Variants in SYNDIG1L observed in about 807,000 individuals in gnomAD.
SYNDIG1L encodes the protein synapse differentiation inducing 1 like, also known as synapse differentiation-inducing gene protein 1-like.
A neutral mutation model predicts 20.1 loss-of-function variants in SYNDIG1L; 13 were observed. That is an observed-to-expected ratio of 0.65 (90% CI 0.42 to 1.03). SYNDIG1L has a LOEUF of 1.03. SYNDIG1L is among the 50% of genes least tolerant of loss of function. The pLI is 0.00. For missense variants in SYNDIG1L, 294 were observed against 305.1 expected, an observed-to-expected ratio of 0.96 and a Z score of 0.27; for synonymous variants, 128 against 129.3, an observed-to-expected ratio of 0.99 and a Z score of 0.07.
At chr14:74,464,283 A>T in the SYNDIG1L span, among the ~76,000 whole-genome samples, 130 of 152,218 alleles carry the variant, frequency 8.5e-4, no homozygotes, top group Non-Finnish European at 1.5e-3. Context: ...GCCCTCCCTG[A>T]TGCGCCCATG....
the SYNDIG1L span, among the ~76,000 whole-genome samples, chr14:74,469,053 T>A: frequency 2.0e-5 from 3 of 152,028 alleles, no homozygotes; most frequent in Non-Finnish European, 4.4e-5. Flanking sequence ...CCATACACAC[T>A]GGCTCCCCAT....
At chr14:74,413,554 C>G (rs898017786) in intron 1 of SYNDIG1L, among the ~76,000 whole-genome samples, 1 of 150,870 alleles carries the variant, frequency 6.6e-6, no homozygotes, top group East Asian at 2.0e-4. Flanking sequence ...GGTGGGAGCA[C>G]AGGTGCTTTT....
chr14:74,479,683 G>T, the SYNDIG1L span: 93 of 165,604 alleles, frequency 5.6e-4, no homozygotes, highest in African/African-American at 2.0e-3. Context: ...CCTTTCAGGC[G>T]TTATTATTCA....
chr14:74,477,404 C>A, the SYNDIG1L span, among the ~76,000 whole-genome samples: 1 of 152,206 alleles, frequency 6.6e-6, no homozygotes, highest in Admixed American at 6.5e-5. Context: ...TTGACCTCAC[C>A]TATTTCAAGC....
Position 74,407,587 on chromosome 14 carries a change from A to T in SYNDIG1L, c.665T>A (p.Val222Glu), listed in dbSNP as rs2086093239. 6.2e-7 allele frequency: 1 copy of T among 1,614,004 alleles called. No homozygotes were observed. Among genetic ancestry groups the T allele is most frequent in the Non-Finnish European group, 8.5e-7 (1 of 1,180,002 alleles). Reference sequence around the variant, plus strand: ...AGCTGCCAGAGCCACCACCACAGCCACGTAGAGACCGGCCCCCACGGCGAT... The same window carrying T: ...AGCTGCCAGAGCCACCACCACAGCCTCGTAGAGACCGGCCCCCACGGCGAT... ...LAIAVGAGLY[V>E]AVVVALAAYM... The change falls in exon 4 of 4, where the codon GTG becomes GAG. Residue 222 changes from valine to glutamate, a missense_variant. Transcript: ENST00000331628.
intron 1 of SYNDIG1L, among the ~76,000 whole-genome samples, chr14:74,418,722 G>C (rs1340543545): frequency 1.3e-5 from 2 of 152,130 alleles, no homozygotes; most frequent in Non-Finnish European, 2.9e-5. Flanking sequence ...TAAGTAGTTG[G>C]ATGATTCTGA....
chr14:74,416,771 TAAC>T (rs1042415132), intron 1 of SYNDIG1L, among the ~76,000 whole-genome samples: 3 of 152,230 alleles, frequency 2.0e-5, no homozygotes, highest in African/African-American at 7.2e-5. Context: ...GGAATAATAA[TAAC>T]AACCTGTGCT....
At position 74,408,518 on chromosome 14, in the gene SYNDIG1L, C is replaced by T. The variant is rs576018392; in HGVS notation, c.418-529G>A. Among the ~76,000 whole-genome samples, 60 of 149,540 alleles carry T rather than the reference C, an allele frequency of 4.0e-4. 1 individual carries two copies. The highest frequency in any genetic ancestry group is 2.1e-3 in the Admixed American group (31 of 14,898). ...GGCGGGGGTTGCAGTGAGCTGAGAT[C>T]GCACCTTTGCACTCCAGCCGGGGCG... On this transcript the variant is annotated intron_variant, in intron 2 of 3. Transcript: ENST00000331628.
At chr14:74,457,545 C>T in the SYNDIG1L span, among the ~76,000 whole-genome samples, 1 of 151,790 alleles carries the variant, frequency 6.6e-6, no homozygotes, top group African/African-American at 2.4e-5. Flanking sequence ...TCACTGGTCA[C>T]ATTTACTTTC....
chr14:74,411,354 C>T (rs744845), intron 1 of SYNDIG1L, among the ~76,000 whole-genome samples: 2 of 152,214 alleles, frequency 1.3e-5, no homozygotes, highest in Admixed American at 6.5e-5. Flanking sequence ...GCCCTGACTT[C>T]TGGGCTTCAG....
At chr14:74,470,024 G>A in the SYNDIG1L span, among the ~76,000 whole-genome samples, 3 of 152,136 alleles carry the variant, frequency 2.0e-5, no homozygotes, top group Admixed American at 1.3e-4. Flanking sequence ...GTGATTTATC[G>A]AGAAGGTTAT....
chr14:74,427,118 C>CTTTTTTT (rs34437070), upstream of SYNDIG1L, among the ~76,000 whole-genome samples: 200 of 116,774 alleles, frequency 1.7e-3, 3 homozygotes, highest in African/African-American at 6.6e-3. Flanking sequence ...CCTGCGTTTC[C>CTTTTTTT]TTTTTTTTTT....
rs902396456 is a variant in SYNDIG1L, at chr14:74,406,645, G to T, written c.*890C>A. On this transcript the variant is annotated 3_prime_UTR_variant, in exon 4 of 4. Transcript: ENST00000331628. Reference sequence around the variant, plus strand: ...CCTTGCTGCGTTTTCTGTAGGGCTGGACCTAGGGCCGTGCGCTCAGTGGCT... The same window carrying T: ...CCTTGCTGCGTTTTCTGTAGGGCTGTACCTAGGGCCGTGCGCTCAGTGGCT... The T allele has an allele frequency of 1.3e-5, 2 of 152,200 alleles. No individual in the cohort carries two copies. The highest frequency in any genetic ancestry group is 4.8e-5 in the African/African-American group (2 of 41,388). The allele number at this position is 152,200 out of a possible 1,614,324, so 9.4% of individuals were successfully genotyped here. A position where few individuals can be genotyped will look rare whatever the true frequency, so the allele number is the denominator to read the frequency against.
At chr14:74,408,020 C>T (rs1283849223) in intron 2 of SYNDIG1L, 31 bp from the exon 3 acceptor site, 8 of 1,586,944 alleles carry the variant, frequency 5.0e-6, no homozygotes, top group Non-Finnish European at 6.9e-6. Flanking sequence ...GTGACCAGGC[C>T]CAGGATCAGC....
chr14:74,421,619 C>A (rs961699681), intron 1 of SYNDIG1L, among the ~76,000 whole-genome samples: 1 of 152,090 alleles, frequency 6.6e-6, no homozygotes, highest in Non-Finnish European at 1.5e-5. Flanking sequence ...GAGAAGTGGA[C>A]GAGTTTTGTT....
At chr14:74,443,543 T>A in the SYNDIG1L span, among the ~76,000 whole-genome samples, 1 of 152,202 alleles carries the variant, frequency 6.6e-6, no homozygotes, top group Non-Finnish European at 1.5e-5. Flanking sequence ...CTTGAGAGGC[T>A]TAAAGAACAT....
At chr14:74,428,025 T>C (rs1295549448), upstream of SYNDIG1L, among the ~76,000 whole-genome samples, 4 of 152,232 alleles carry the variant, frequency 2.6e-5, no homozygotes, top group Non-Finnish European at 4.4e-5. Flanking sequence ...AATACTAATG[T>C]TGATAATTAC....
chr14:74,420,228 C>T (rs1261541092), intron 1 of SYNDIG1L, among the ~76,000 whole-genome samples: 1 of 151,890 alleles, frequency 6.6e-6, no homozygotes, highest in Non-Finnish European at 1.5e-5. Context: ...GAAACCCCAT[C>T]TCTACTAACA....
the SYNDIG1L span, among the ~76,000 whole-genome samples, chr14:74,459,743 C>A: frequency 6.6e-6 from 1 of 152,172 alleles, no homozygotes; most frequent in Non-Finnish European, 1.5e-5. Context: ...CCCCCACTAC[C>A]GCCACCAGCC....
Sources: allele counts gnomAD v4.1 joint callset (sites outside exome capture counted in the v4.1 genomes callset), GRCh38; gene constraint gnomAD v4.1.1; transcripts MANE v1.5; gene names NCBI Gene and HGNC (gene_info 2026-07-23, HGNC 2026-07-21).